The following CCDC146 variants were observed in gnomAD, a reference collection of about 807,000 sequenced individuals.
The protein encoded by CCDC146 is coiled-coil domain containing 146.
A neutral mutation model predicts 119.3 loss-of-function variants in CCDC146; 92 were observed. The observed-to-expected ratio is 0.77, with a 90% CI of 0.65 to 0.92. The LOEUF is 0.92. Among genes scored for constraint, CCDC146 ranks in the 40% least tolerant of loss-of-function variants. The pLI is 0.00. For synonymous variants in CCDC146, 372 were observed against 371.8 expected (o/e 1.00, Z -0.01); for missense variants, 1,000 against 1,103.0 (o/e 0.91, Z 1.32).
In CCDC146 at chr7:77,286,814, A is replaced by T. The variant is rs138937576; in HGVS notation, c.2165A>T (p.Asp722Val). 4.3e-5 allele frequency: 70 copies of T among 1,613,714 alleles called. No individual in the cohort carries two copies. The highest frequency in any genetic ancestry group is 5.8e-5 in the Non-Finnish European group (68 of 1,179,712). Residue 722 changes from aspartate to valine, a missense_variant, in exon 16 of 19, where the codon GAC becomes GTC. Physicochemically the swap from Asp to Val is radical, Grantham distance 152. This residue lies in a region of CCDC146 where 985 missense variants were observed against 1,045.3 expected (regional missense o/e 0.94). Coordinates refer to ENST00000285871, the MANE Select transcript of CCDC146 (RefSeq NM_020879.3). ...VLQIQFSQCT[D>V]RIKDLEKQFV... Reference sequence around the variant, plus strand: ...TCTTAATAGTTTTCACAGTGTACAGACAGAATTAAAGACCTGGAGAAACAG... The same window carrying T: ...TCTTAATAGTTTTCACAGTGTACAGTCAGAATTAAAGACCTGGAGAAACAG...
intron 1 of CCDC146, among the ~76,000 whole-genome samples, chr7:77,159,258 A>G (rs1791222630): frequency 6.6e-6 from 1 of 152,014 alleles, no homozygotes; most frequent in African/African-American, 2.4e-5. Flanking sequence ...TTCAAAACTT[A>G]TTTATCTTGC....
chr7:77,215,468 G>A (rs564997436), intron 2 of CCDC146, among the ~76,000 whole-genome samples: 1 of 152,086 alleles, frequency 6.6e-6, no homozygotes, highest in East Asian at 1.9e-4. Context: ...TTCTTTAAGT[G>A]GGAAATGGTA....
At chr7:77,234,271 A>G (rs1051374676) in intron 2 of CCDC146, among the ~76,000 whole-genome samples, 1 of 139,566 alleles carries the variant, frequency 7.2e-6, no homozygotes, top group Admixed American at 7.1e-5. Flanking sequence ...TTTTTAACTT[A>G]TTAGATTTTA....
intron 11 of CCDC146, among the ~76,000 whole-genome samples, chr7:77,277,851 C>G (rs2868781): frequency 0.57 from 86,482 of 151,990 alleles, 25,311 homozygotes; most frequent in East Asian, 0.85. Flanking sequence ...TGGTTTACTA[C>G]CAGCAAATCC....
chr7:77,192,597 G>A (rs1330006202), intron 2 of CCDC146, among the ~76,000 whole-genome samples: 5 of 152,216 alleles, frequency 3.3e-5, no homozygotes, highest in Non-Finnish European at 7.3e-5. Flanking sequence ...ATTTCATGAA[G>A]GGACTTATTT....
intron 4 of CCDC146, among the ~76,000 whole-genome samples, chr7:77,252,575 A>G (rs1455166014): frequency 1.3e-5 from 2 of 152,210 alleles, no homozygotes; most frequent in African/African-American, 4.8e-5. Context: ...TTTGATATAC[A>G]CAACTGGAAT....
chr7:77,246,583 A>G (rs1792955752), intron 4 of CCDC146: 1 of 152,264 alleles, frequency 6.6e-6, no homozygotes, highest in Non-Finnish European at 1.5e-5. Context: ...TTTTTGCCCC[A>G]GTAATCCCAT....
intron 2 of CCDC146, among the ~76,000 whole-genome samples, chr7:77,206,922 C>A (rs1046663685): frequency 6.6e-6 from 1 of 151,864 alleles, no homozygotes; most frequent in African/African-American, 2.4e-5. Flanking sequence ...ACTACTAATT[C>A]CCCACTAACT....
At chr7:77,237,409 C>T (rs1369811171) in intron 3 of CCDC146, among the ~76,000 whole-genome samples, 1 of 152,196 alleles carries the variant, frequency 6.6e-6, no homozygotes, top group African/African-American at 2.4e-5. Context: ...GCTCTTGGCA[C>T]TTCCAGCTTG....
At position 77,199,758 on chromosome 7, in the gene CCDC146, A is replaced by G. The variant is rs1172286573; in HGVS notation, c.156+31934A>G. 2.5e-6 allele frequency: 4 copies of G among 1,614,162 alleles called. No individual in the cohort carries two copies. In the South Asian group the frequency reaches 3.3e-5, roughly 13 times the overall value. On this transcript the variant is annotated intron_variant, in intron 2 of 18. Transcript: ENST00000285871. ...CCAAAAAACCGTAAGTGGCAAGAAC[A>G]GCTGAGCTCAGCCAGTACCAGTTAG...
At position 77,280,590 on chromosome 7, in the gene CCDC146, T is replaced by A. The variant is rs774864587; in HGVS notation, c.1856T>A (p.Ile619Asn). 6.2e-7 allele frequency: 1 copy of A among 1,614,086 alleles called. No individual in the cohort carries two copies. The highest frequency in any genetic ancestry group is 1.1e-5 in the South Asian group (1 of 91,054). Residue 619 changes from isoleucine (I) to asparagine (N), a missense_variant, in exon 14 of 19, where the codon ATC becomes AAC. This residue lies in a region of CCDC146 where 985 missense variants were observed against 1,045.3 expected (regional missense o/e 0.94). Transcript: ENST00000285871. ...IDRLANTITM[I>N]EEEMVQLRKR... is the part of the protein sequence containing the mutation. ...AGACTTGCCAACACGATCACAATGA[T>A]CGAAGAGGAGATGGTGCAGCTTCGC...
intron 2 of CCDC146, chr7:77,198,017 TCA>T (rs1791908204): frequency 2.2e-6 from 1 of 448,932 alleles, no homozygotes; most frequent in African/African-American, 2.1e-5. Context: ...CTCAGAATAT[TCA>T]GTTATTTCAC....
intron 6 of CCDC146, among the ~76,000 whole-genome samples, chr7:77,256,911 C>T (rs1396370878): frequency 1.3e-5 from 2 of 152,168 alleles, no homozygotes; most frequent in Non-Finnish European, 2.9e-5. Flanking sequence ...CGAGACCAGC[C>T]TGGCCAACAT....
intron 2 of CCDC146, among the ~76,000 whole-genome samples, chr7:77,229,239 T>C (rs1792575102): frequency 2.0e-5 from 3 of 152,246 alleles, no homozygotes. Flanking sequence ...GTCGGATGCA[T>C]AGTTTGCAAA....
chr7:77,291,699 C>A (rs924314062), intron 17 of CCDC146, among the ~76,000 whole-genome samples: 1 of 152,166 alleles, frequency 6.6e-6, no homozygotes, highest in African/African-American at 2.4e-5. Flanking sequence ...CAGAGTGAGA[C>A]CCTGTCTCAA....
At chr7:77,163,442 T>C (rs964595437) in intron 1 of CCDC146, among the ~76,000 whole-genome samples, 1 of 151,766 alleles carries the variant, frequency 6.6e-6, no homozygotes, top group African/African-American at 2.4e-5. Context: ...AGCAAGACTC[T>C]GTCTCAAAAA....
At chr7:77,282,872 C>A (rs1584145448) in intron 15 of CCDC146, 87 bp downstream of exon 15, 11 of 832,482 alleles carry the variant, frequency 1.3e-5, no homozygotes, top group East Asian at 5.1e-5. Flanking sequence ...GCATGTAAAC[C>A]AAGCCATACT....
chr7:77,216,677 A>C (rs1008804110), intron 2 of CCDC146, among the ~76,000 whole-genome samples: 2 of 152,102 alleles, frequency 1.3e-5, no homozygotes, highest in Admixed American at 1.3e-4. Context: ...TAATTTTCTC[A>C]TTTGTCTACA....
intron 1 of CCDC146, among the ~76,000 whole-genome samples, chr7:77,143,304 T>C (rs1264688928): frequency 6.6e-6 from 1 of 151,912 alleles, no homozygotes; most frequent in Admixed American, 6.5e-5. Context: ...TCTTTGTAGA[T>C]TCTGGATATT....
Sources: gnomAD v4.1 joint callset for allele counts (sites outside exome capture counted in the v4.1 genomes callset) on GRCh38, gnomAD v4.1.1 for gene constraint, gnomAD v4.1.1 regional missense constraint, MANE v1.5 for transcripts, NCBI Gene and HGNC (gene_info 2026-07-23, HGNC 2026-07-21) for gene names.